Variants in CSMD1 observed in about 807,000 individuals in gnomAD.
CSMD1 encodes the protein CUB and Sushi multiple domains 1.
Under a neutral mutation model 417.5 loss-of-function variants are expected in CSMD1, and 213 were observed. The observed-to-expected ratio is 0.51, with a 90% CI of 0.46 to 0.57. The LOEUF (loss-of-function observed/expected upper bound fraction) is 0.57. Ranked by LOEUF, CSMD1 falls within the 20% of genes least tolerant of loss-of-function variation. The probability of loss-of-function intolerance (pLI) is 0.00; values close to 1 mark genes in which losing one functional copy is unlikely to be tolerated. For synonymous variants in CSMD1, 2,862 were observed against 1,736.8 expected (o/e 1.65, Z -16.11); for missense variants, 6,923 against 4,529.7 (o/e 1.53, Z -15.17).
intron 1 of CSMD1, among the ~76,000 whole-genome samples, chr8:4,795,464 G>A (rs7004503): frequency 2.0e-5 from 3 of 150,796 alleles, no homozygotes; most frequent in Non-Finnish European, 4.4e-5. Context: ...TAGAGATGGG[G>A]TTTCACCGTG....
intron 25 of CSMD1, among the ~76,000 whole-genome samples, chr8:3,299,406 C>G (rs552742949): frequency 2.0e-5 from 3 of 152,200 alleles, no homozygotes; most frequent in South Asian, 4.2e-4. Flanking sequence ...GAGCCAAGAT[C>G]ACGCTATTGC....
intron 10 of CSMD1, among the ~76,000 whole-genome samples, chr8:3,506,682 C>T (rs73658140): frequency 0.014 from 2,094 of 152,076 alleles, 47 homozygotes; most frequent in African/African-American, 0.048. Context: ...AAATAAACTC[C>T]GAATTTGGGG....
At chr8:2,969,228 T>C (rs1383271466) in intron 57 of CSMD1, among the ~76,000 whole-genome samples, 3 of 152,182 alleles carry the variant, frequency 2.0e-5, no homozygotes, top group Non-Finnish European at 4.4e-5. Flanking sequence ...ATGAGTTAGC[T>C]TGTAGCTTAT....
intron 5 of CSMD1, among the ~76,000 whole-genome samples, chr8:3,832,199 G>A (rs556263232): frequency 6.6e-6 from 1 of 152,120 alleles, no homozygotes; most frequent in East Asian, 1.9e-4. Context: ...AGTCACGTGG[G>A]ATGGAATAAG....
intron 3 of CSMD1, among the ~76,000 whole-genome samples, chr8:4,384,780 C>G (rs976171385): frequency 2.0e-5 from 3 of 152,134 alleles, no homozygotes; most frequent in South Asian, 4.1e-4. Flanking sequence ...TCGGGCTTCC[C>G]GACTTCACTA....
intron 27 of CSMD1, among the ~76,000 whole-genome samples, chr8:3,224,778 T>TG (rs1157081070): frequency 1.3e-5 from 2 of 152,222 alleles, no homozygotes; most frequent in African/African-American, 4.8e-5. Flanking sequence ...TGTTCTTGAA[T>TG]TGGAAAGTAT....
intron 1 of CSMD1, among the ~76,000 whole-genome samples, chr8:4,686,254 C>T (rs912460576): frequency 1.3e-5 from 2 of 152,202 alleles, no homozygotes; most frequent in South Asian, 4.1e-4. Flanking sequence ...TTGCCAAGCA[C>T]GAGAGTGAAG....
chr8:4,771,531 T>A (rs1225595300), intron 1 of CSMD1, among the ~76,000 whole-genome samples: 1 of 152,238 alleles, frequency 6.6e-6, no homozygotes, highest in Admixed American at 6.5e-5. Context: ...GTTATTAGTT[T>A]GCTGCTAGGC....
intron 54 of CSMD1, among the ~76,000 whole-genome samples, chr8:2,982,135 C>T (rs1444570326): frequency 6.6e-6 from 1 of 152,168 alleles, no homozygotes; most frequent in African/African-American, 2.4e-5. Flanking sequence ...GTGGGCAGAT[C>T]ATTTGAGGTC....
chr8:3,205,042 T>G (rs1014242512), intron 31 of CSMD1, among the ~76,000 whole-genome samples: 1 of 152,210 alleles, frequency 6.6e-6, no homozygotes. Context: ...AGACTCTGCC[T>G]GCTTCTCCGT....
chr8:4,781,786 T>C (rs958516025), intron 1 of CSMD1, among the ~76,000 whole-genome samples: 2 of 152,168 alleles, frequency 1.3e-5, no homozygotes, highest in South Asian at 4.1e-4. Flanking sequence ...TGAGGAATAA[T>C]GATCATGCAG....
intron 11 of CSMD1, among the ~76,000 whole-genome samples, chr8:3,487,550 T>C (rs1207976451): frequency 6.6e-6 from 1 of 152,178 alleles, no homozygotes; most frequent in Non-Finnish European, 1.5e-5. Context: ...TATAAATCGA[T>C]ACATCTAGTC....
intron 1 of CSMD1, among the ~76,000 whole-genome samples, chr8:4,992,254 G>C (rs996187079): frequency 1.3e-5 from 2 of 151,480 alleles, no homozygotes; most frequent in African/African-American, 4.9e-5. Flanking sequence ...CCTCATCCTA[G>C]CGCTGCAGCC....
chr8:3,122,620 C>A (rs1037747038), intron 41 of CSMD1, among the ~76,000 whole-genome samples: 1 of 152,076 alleles, frequency 6.6e-6, no homozygotes. Context: ...ATACTATTCT[C>A]GTGATAGTGA....
intron 3 of CSMD1, among the ~76,000 whole-genome samples, chr8:4,256,866 G>C (rs973936445): frequency 6.6e-6 from 1 of 152,190 alleles, no homozygotes; most frequent in African/African-American, 2.4e-5. Context: ...ATCGCATAAA[G>C]GGGGAGAATC....
chr8:4,652,518 T>G (rs569002905), intron 1 of CSMD1, among the ~76,000 whole-genome samples: 1 of 151,952 alleles, frequency 6.6e-6, no homozygotes, highest in Admixed American at 6.6e-5. Context: ...CCCCATGTGG[T>G]GGCTGCACCT....
intron 1 of CSMD1, among the ~76,000 whole-genome samples, chr8:4,769,810 G>A (rs151195668): frequency 1.4e-4 from 22 of 152,120 alleles, no homozygotes; most frequent in African/African-American, 4.6e-4. Context: ...TTTCTACTTG[G>A]CATTTTAAAA....
intron 3 of CSMD1, among the ~76,000 whole-genome samples, chr8:4,047,129 G>A (rs1260578977): frequency 1.3e-5 from 2 of 152,160 alleles, no homozygotes; most frequent in African/African-American, 2.4e-5. Flanking sequence ...AGCTGTGGAA[G>A]AAGCAGAGCA....
At chr8:4,481,605 T>A (rs959316417) in intron 2 of CSMD1, among the ~76,000 whole-genome samples, 1 of 152,138 alleles carries the variant, frequency 6.6e-6, no homozygotes, top group Non-Finnish European at 1.5e-5. Context: ...CTAATCCTTA[T>A]AAAATAAACT....
Sources: allele counts gnomAD v4.1 joint callset (sites outside exome capture counted in the v4.1 genomes callset), GRCh38; gene constraint gnomAD v4.1.1; transcripts MANE v1.5; gene names NCBI Gene and HGNC (gene_info 2026-07-23, HGNC 2026-07-21).